NINL: variants seen among roughly 807,000 people sequenced by gnomAD.
The protein encoded by NINL is ninein-like protein.
Under a neutral mutation model 160.3 loss-of-function variants are expected in NINL, and 153 were observed. The observed-to-expected ratio is 0.95, with a 90% CI of 0.84 to 1.09. The LOEUF (loss-of-function observed/expected upper bound fraction) is 1.09. Ranked by LOEUF, NINL falls within the 50% of genes least tolerant of loss-of-function variation. The pLI is 0.00. For synonymous variants in NINL, 800 were observed against 734.8 expected (o/e 1.09, Z -1.43); for missense variants, 1,829 against 1,764.0 (o/e 1.04, Z -0.66).
chr20:25,541,612 T>C (rs2064663758), intron 1 of NINL, among the ~76,000 whole-genome samples: 1 of 152,236 alleles, frequency 6.6e-6, no homozygotes. Context: ...ATACAATTAG[T>C]TATAGACATG....
At chr20:25,574,728 C>T (rs2065095373) in intron 1 of NINL, among the ~76,000 whole-genome samples, 2 of 152,116 alleles carry the variant, frequency 1.3e-5, no homozygotes, top group Non-Finnish European at 2.9e-5. Context: ...GACAGAAATC[C>T]AGTCTGGAAT....
In NINL at chr20:25,476,866, A is replaced by ACTC. The variant is rs373666691; in HGVS notation, c.2422_2424dup (p.Glu808dup). The ACTC allele has an allele frequency of 3.1e-6, 5 of 1,612,534 alleles. No homozygotes were observed. The highest frequency in any genetic ancestry group is 2.2e-5 in the South Asian group (2 of 91,022). ...ACTCGCTTCCCGCGGGCAAGCTCCA[A>ACTC]CTCCTCCTCCTCGAGGGCCAACGAT... On this transcript the variant is annotated inframe_insertion, in exon 17 of 24. Transcript: ENST00000278886.
chr20:25,529,076 C>T (rs2064406297), intron 1 of NINL, among the ~76,000 whole-genome samples: 2 of 152,062 alleles, frequency 1.3e-5, no homozygotes, highest in Non-Finnish European at 2.9e-5. Context: ...TGTGCATGCT[C>T]CTCATCTTAC....
At chr20:25,519,931 G>T (rs2064231360) in intron 2 of NINL, among the ~76,000 whole-genome samples, 1 of 140,918 alleles carries the variant, frequency 7.1e-6, no homozygotes, top group African/African-American at 2.7e-5. Context: ...TTAAGCCCAG[G>T]AGGTCGAGGC....
intron 17 of NINL, among the ~76,000 whole-genome samples, chr20:25,470,307 T>C (rs1242338870): frequency 6.6e-6 from 1 of 152,210 alleles, no homozygotes; most frequent in Non-Finnish European, 1.5e-5. Flanking sequence ...GGAACTTTCT[T>C]AGCTTCTACA....
intron 8 of NINL, among the ~76,000 whole-genome samples, chr20:25,498,718 G>A (rs372957285): frequency 2.0e-5 from 3 of 152,348 alleles, no homozygotes; most frequent in African/African-American, 7.2e-5. Context: ...CTATTTTAAG[G>A]ATGTGAGCCT....
chr20:25,573,661 TG>T (rs2065080930), intron 1 of NINL, among the ~76,000 whole-genome samples: 1 of 152,226 alleles, frequency 6.6e-6, no homozygotes, highest in African/African-American at 2.4e-5. Context: ...AGCCCATTGA[TG>T]GGAAAATTAC....
intron 15 of NINL, among the ~76,000 whole-genome samples, chr20:25,479,593 G>A (rs896175241): frequency 3.3e-5 from 5 of 152,174 alleles, no homozygotes; most frequent in African/African-American, 7.2e-5. Context: ...AGGGCTCGCC[G>A]GAGCTTCCAG....
rs1296628113 is a variant in NINL at position 25,470,078 on chromosome 20, A to G, written c.3266T>C (p.Leu1089Pro). 3.7e-6 allele frequency: 6 copies of G among 1,613,920 alleles called. No individual in the cohort carries two copies. The South Asian group carries it at 5.5e-5, about 15-fold the overall frequency. Residue 1089 changes from leucine to proline, a missense_variant, in exon 18 of 24, where the codon CTT becomes CCT. Coordinates refer to ENST00000278886, the MANE Select transcript of NINL (RefSeq NM_025176.6). ...TTTCAACAAAGTGTTTTCTTCAGAA[A>G]GTCTATGGAACTCCAGTCTGCGTAA... ...RENDRLEFHR[L>P]SEENTLLKND...
intron 1 of NINL, among the ~76,000 whole-genome samples, chr20:25,573,763 T>C (rs2065081978): frequency 6.6e-6 from 1 of 152,206 alleles, no homozygotes; most frequent in Non-Finnish European, 1.5e-5. Context: ...CAGTTTCCCC[T>C]GAGTCAACTA....
At chr20:25,481,586 AG>A (rs1015160625) in intron 14 of NINL, among the ~76,000 whole-genome samples, 10 of 152,326 alleles carry the variant, frequency 6.6e-5, no homozygotes, top group Admixed American at 1.3e-4. Flanking sequence ...AGAAGCAGCA[AG>A]GGTAAGCCCC....
chr20:25,518,698 G>A (rs966044249), intron 2 of NINL, among the ~76,000 whole-genome samples: 39 of 152,034 alleles, frequency 2.6e-4, no homozygotes, highest in African/African-American at 9.4e-4. Context: ...GATTTAAACT[G>A]ACTATTTCGC....
intron 5 of NINL, among the ~76,000 whole-genome samples, chr20:25,510,121 G>A (rs2064040436): frequency 6.6e-6 from 1 of 152,270 alleles, no homozygotes; most frequent in Non-Finnish European, 1.5e-5. Flanking sequence ...CTGTGAGGCT[G>A]CATGCTATGA....
chr20:25,463,534 C>T (rs986049447), intron 19 of NINL, among the ~76,000 whole-genome samples: 21 of 152,196 alleles, frequency 1.4e-4, no homozygotes, highest in African/African-American at 5.1e-4. Context: ...GCAGTGACAG[C>T]GGCAGGAAAG....
intron 10 of NINL, among the ~76,000 whole-genome samples, chr20:25,496,317 C>T (rs965853585): frequency 2.6e-5 from 4 of 152,202 alleles, no homozygotes; most frequent in Non-Finnish European, 5.9e-5. Flanking sequence ...CATTGCCAGT[C>T]CTTGCAACAT....
At position 25,517,795 on chromosome 20, in the gene NINL, C is replaced by G. The variant is rs200762635; in HGVS notation, c.235G>C (p.Gly79Arg). ...CTGTCTTCATCTGAGGGGCGAACAC[C>G]AGCATTTGAAGACAACACAGCCACA... ...GFVAVLSSNA[G>R]VRPSDEDSSS... Residue 79 changes from glycine to arginine, a missense_variant, in exon 3 of 24, where the codon GGT becomes CGT. Coordinates refer to ENST00000278886, the MANE Select transcript of NINL (RefSeq NM_025176.6). 2.3e-5 allele frequency: 37 copies of G among 1,608,384 alleles called. No homozygotes were observed. In the East Asian group the frequency reaches 8.0e-4, roughly 35 times the overall value.
At chr20:25,542,856 C>T (rs1165580569) in intron 1 of NINL, among the ~76,000 whole-genome samples, 3 of 146,046 alleles carry the variant, frequency 2.1e-5, no homozygotes, top group East Asian at 4.0e-4. Context: ...CATGGTGAAA[C>T]CCCCCCTCTC....
At chr20:25,539,484 C>T (rs780260638) in intron 1 of NINL, among the ~76,000 whole-genome samples, 7 of 152,168 alleles carry the variant, frequency 4.6e-5, no homozygotes, top group African/African-American at 1.4e-4. Context: ...ACTAAGGGGG[C>T]GATGACTGAA....
chr20:25,579,508 GAGGC>G (rs2065150338), intron 1 of NINL, among the ~76,000 whole-genome samples: 1 of 152,184 alleles, frequency 6.6e-6, no homozygotes, highest in Non-Finnish European at 1.5e-5. Flanking sequence ...ACCTTATGGT[GAGGC>G]TCACACAGCC....
Sources: allele counts gnomAD v4.1 joint callset (sites outside exome capture counted in the v4.1 genomes callset), GRCh38; gene constraint gnomAD v4.1.1; transcripts MANE v1.5; gene names NCBI Gene and HGNC (gene_info 2026-07-23, HGNC 2026-07-21).